PLXNA2: variants seen among roughly 807,000 people sequenced by gnomAD.
PLXNA2 encodes the protein plexin-A2.
Under a neutral mutation model 193.5 loss-of-function variants are expected in PLXNA2, and 91 were observed. The observed-to-expected ratio is 0.47, with a 90% confidence interval of 0.40 to 0.56. The LOEUF (loss-of-function observed/expected upper bound fraction) is 0.56. Among genes scored for constraint, PLXNA2 ranks in the 20% least tolerant of loss-of-function variants. PLXNA2 has a pLI of 0.00. For synonymous variants in PLXNA2, 997 were observed against 1,027.3 expected (o/e 0.97, Z 0.56); for missense variants, 1,995 against 2,503.2 (o/e 0.80, Z 4.33).
At chr1:208,141,300 A>C (rs1668450280) in intron 4 of PLXNA2, among the ~76,000 whole-genome samples, 1 of 152,158 alleles carries the variant, frequency 6.6e-6, no homozygotes, top group South Asian at 2.1e-4. Context: ...TTAAATTAGA[A>C]AAGAAAGGAG....
chr1:208,037,830 G>A (rs1664720722), intron 26 of PLXNA2, among the ~76,000 whole-genome samples: 1 of 151,978 alleles, frequency 6.6e-6, no homozygotes, highest in Non-Finnish European at 1.5e-5. Context: ...ACGGAGCAGG[G>A]TTCACCAGGA....
chr1:208,046,918 G>A (rs563116244), intron 17 of PLXNA2, among the ~76,000 whole-genome samples: 1 of 151,780 alleles, frequency 6.6e-6, no homozygotes, highest in East Asian at 1.9e-4. Flanking sequence ...AATGTTGATT[G>A]AATACTGATG....
chr1:208,212,804 A>C (rs966027088), intron 2 of PLXNA2, among the ~76,000 whole-genome samples: 1 of 151,974 alleles, frequency 6.6e-6, no homozygotes, highest in African/African-American at 2.4e-5. Flanking sequence ...TCCTCATCTC[A>C]TCCCTACACT....
chr1:208,041,576 A>G (rs772901159), intron 22 of PLXNA2, among the ~76,000 whole-genome samples: 21 of 152,190 alleles, frequency 1.4e-4, no homozygotes, highest in Non-Finnish European at 2.6e-4. Flanking sequence ...TATGGTGGCC[A>G]CTAGCTGCAA....
intron 17 of PLXNA2, 147 bp downstream of exon 17, chr1:208,050,862 G>A: frequency 1.6e-6 from 1 of 630,806 alleles, no homozygotes; most frequent in Admixed American, 2.9e-5. Context: ...TAGGTATTTG[G>A]ACCATGATTC....
chr1:208,204,326 G>T (rs1437850098), intron 3 of PLXNA2, among the ~76,000 whole-genome samples: 2 of 152,312 alleles, frequency 1.3e-5, no homozygotes, highest in South Asian at 4.2e-4. Flanking sequence ...TGATCCAGGT[G>T]AAGCAGATGG....
chr1:208,049,058 C>G (rs755093105), intron 17 of PLXNA2, among the ~76,000 whole-genome samples: 10 of 152,136 alleles, frequency 6.6e-5, no homozygotes, highest in Non-Finnish European at 1.0e-4. Context: ...CTCAAACTAG[C>G]TGATCCTAAA....
chr1:208,113,770 G>C (rs960832488), intron 4 of PLXNA2, among the ~76,000 whole-genome samples: 1 of 152,000 alleles, frequency 6.6e-6, no homozygotes, highest in Non-Finnish European at 1.5e-5. Context: ...GGCTCAGGCC[G>C]GTCTTGAACC....
intron 3 of PLXNA2, among the ~76,000 whole-genome samples, chr1:208,196,353 A>C (rs1188027775): frequency 1.3e-5 from 2 of 152,242 alleles, no homozygotes; most frequent in African/African-American, 4.8e-5. Flanking sequence ...AAAAACAAAA[A>C]AAAAACCATG....
intron 9 of PLXNA2, among the ~76,000 whole-genome samples, chr1:208,085,692 C>T (rs1208385983): frequency 6.6e-6 from 1 of 152,194 alleles, no homozygotes; most frequent in Admixed American, 6.5e-5. Context: ...CGGGCTGTTG[C>T]CTCTTTTCTC....
chr1:208,186,948 C>G (rs1454250029), intron 3 of PLXNA2, among the ~76,000 whole-genome samples: 1 of 151,524 alleles, frequency 6.6e-6, no homozygotes, highest in Admixed American at 6.6e-5. Context: ...GTCTCGATCT[C>G]CTGACCTCAT....
In PLXNA2 at chr1:208,081,414, C is replaced by A. The variant is rs188391947; in HGVS notation, c.2395+998G>T. Among the ~76,000 whole-genome samples, 25 of 152,284 alleles carry A rather than the reference C, an allele frequency of 1.6e-4. No homozygotes were observed. The East Asian group carries it at 4.8e-3, about 29-fold the overall frequency. ...AGGTGGAAGCAGAGGCTTGTGACAACCCTAGCTACTTGAAGTGTGGCAAGG... is the reference window on the plus strand; with the variant it reads ...AGGTGGAAGCAGAGGCTTGTGACAAACCTAGCTACTTGAAGTGTGGCAAGG... On this transcript the variant is annotated intron_variant, in intron 11 of 31. Transcript: ENST00000367033.
At chr1:208,099,729 C>T (rs1257991261) in intron 5 of PLXNA2, among the ~76,000 whole-genome samples, 1 of 152,040 alleles carries the variant, frequency 6.6e-6, no homozygotes, top group African/African-American at 2.4e-5. Context: ...CACCACCGTG[C>T]CCGGCTAATT....
In PLXNA2 at chr1:208,205,537, C is replaced by T. The variant is rs144688063; in HGVS notation, c.1371+4743G>A. On this transcript the variant is annotated intron_variant, in intron 3 of 31. Transcript: ENST00000367033. ...CATTCCAAAGCCCACACCCAGGGGA[C>T]CTTGGTCTTCCCTTTTCTGCTCCTC... is the stretch of plus-strand genomic sequence containing the variant. 1.3e-3 allele frequency among the ~76,000 whole-genome samples: 201 copies of T among 152,324 alleles called. 1 individual carries two copies. The highest frequency in any genetic ancestry group is 4.2e-3 in the African/African-American group (176 of 41,580).
chr1:208,141,703 G>A (rs1158660104), intron 4 of PLXNA2, among the ~76,000 whole-genome samples: 1 of 152,068 alleles, frequency 6.6e-6, no homozygotes. Flanking sequence ...GGCTCTCTCT[G>A]CATTTGCCTT....
intron 17 of PLXNA2, among the ~76,000 whole-genome samples, chr1:208,046,697 A>AG (rs1665079681): frequency 1.3e-5 from 2 of 151,232 alleles, no homozygotes; most frequent in African/African-American, 4.9e-5. Flanking sequence ...AAGGAGAGGG[A>AG]GGGGGAAGGG....
Position 208,079,328 on chromosome 1 carries a change from T to TG in PLXNA2, c.2517dup (p.Ser840GlnfsTer73). ...CAGTCGAGCCAGGGGCTGGAAGGGC[T>TG]GGTACAGTGCTGGTGGAGGGTGCAC... On this transcript the variant is annotated frameshift_variant, in exon 12 of 32. Transcript: ENST00000367033. LOFTEE classifies it high-confidence loss of function. The TG allele has an allele frequency of 6.2e-7, 1 of 1,613,924 alleles. No homozygotes were observed. Among genetic ancestry groups the TG allele is most frequent in the Non-Finnish European group, 8.5e-7 (1 of 1,179,806 alleles).
rs1032480897 is a variant in PLXNA2 at position 208,027,242 on chromosome 1, C to T, written c.*1G>A. 1 of 1,612,868 alleles carries T rather than the reference C, an allele frequency of 6.2e-7. No individual in the cohort carries two copies. Among genetic ancestry groups the T allele is most frequent in the African/African-American group, 1.3e-5 (1 of 75,046 alleles). On this transcript the variant is annotated 3_prime_UTR_variant, in exon 32 of 32. Transcript: ENST00000367033. ...TTCCCAGGAATGCGAGGCTCCTCCTCTCAGCTCTCAATGGACATGGCATTA... is the reference window on the plus strand; with the variant it reads ...TTCCCAGGAATGCGAGGCTCCTCCTTTCAGCTCTCAATGGACATGGCATTA...
At position 208,164,776 on chromosome 1, in the gene PLXNA2, G is replaced by A. The variant is rs574692585; in HGVS notation, c.1372-22313C>T. ...TCAGTCCGGCAGCGGCTCCCTGGGGGCAGAGGAGGGAGCTCCTGAGGAAGT... is the reference window on the plus strand; with the variant it reads ...TCAGTCCGGCAGCGGCTCCCTGGGGACAGAGGAGGGAGCTCCTGAGGAAGT... On this transcript the variant is annotated intron_variant, in intron 3 of 31. Coordinates refer to ENST00000367033, the MANE Select transcript of PLXNA2 (RefSeq NM_025179.4). 9.8e-5 allele frequency among the ~76,000 whole-genome samples: 15 copies of A among 152,318 alleles called. No individual in the cohort carries two copies. The South Asian group carries it at 3.1e-3, about 32-fold the overall frequency.
Sources: gnomAD v4.1 joint callset for allele counts (sites outside exome capture counted in the v4.1 genomes callset) on GRCh38, gnomAD v4.1.1 for gene constraint, MANE v1.5 for transcripts, NCBI Gene and HGNC (gene_info 2026-07-23, HGNC 2026-07-21) for gene names.